Variants in ASCC3 observed in about 807,000 individuals in gnomAD.
The protein encoded by ASCC3 is activating signal cointegrator 1 complex subunit 3.
ASCC3 carries 158 observed loss-of-function variants against 256.3 expected under a neutral mutation model. The ratio of observed to expected loss-of-function variants is 0.62; its 90% CI spans 0.54 to 0.70. The LOEUF is 0.70. ASCC3 is among the 30% of genes least tolerant of loss of function. ASCC3 has a pLI of 0.00. For missense variants in ASCC3, 2,259 were observed against 2,626.0 expected, an observed-to-expected ratio of 0.86 and a Z score of 3.05; for synonymous variants, 948 against 883.4, an observed-to-expected ratio of 1.07 and a Z score of -1.30.
chr6:100,831,597 A>C (rs577569575), intron 4 of ASCC3, among the ~76,000 whole-genome samples: 59 of 152,286 alleles, frequency 3.9e-4, no homozygotes, highest in African/African-American at 1.3e-3. Flanking sequence ...CATGAAAAAA[A>C]AGTTGAACTA....
At chr6:100,776,140 A>C (rs973731859) in intron 8 of ASCC3, among the ~76,000 whole-genome samples, 14 of 152,126 alleles carry the variant, frequency 9.2e-5, no homozygotes, top group African/African-American at 3.4e-4. Flanking sequence ...TGCAGCTAAT[A>C]ATCTTTGCTT....
chr6:100,530,288 A>C lies in ASCC3; in HGVS notation c.5775+9875T>G, dbSNP rs941334033. Reference sequence around the variant, plus strand: ...GGAGGACACCAACATGAACAAGTTGAAATCATCGCAGAAGGATAAAGTTTG... The same window carrying C: ...GGAGGACACCAACATGAACAAGTTGCAATCATCGCAGAAGGATAAAGTTTG... On this transcript the variant is annotated intron_variant, in intron 37 of 41. Coordinates refer to ENST00000369162, the MANE Select transcript of ASCC3 (RefSeq NM_006828.4). 8.5e-6 allele frequency: 12 copies of C among 1,412,144 alleles called. No individual in the cohort carries two copies. The African/African-American group carries it at 1.7e-4, about 20-fold the overall frequency. 87.5% of individuals were successfully genotyped at this position (1,412,144 alleles called of 1,614,324 possible).
intron 4 of ASCC3, among the ~76,000 whole-genome samples, chr6:100,835,673 G>C (rs543421225): frequency 7.9e-5 from 12 of 152,192 alleles, no homozygotes; most frequent in African/African-American, 2.9e-4. Flanking sequence ...GATTATTAGA[G>C]TTCTGAAGTA....
intron 17 of ASCC3, 44 bp from the exon 18 acceptor site, chr6:100,652,933 G>A (rs1463501928): frequency 9.0e-6 from 14 of 1,549,964 alleles, no homozygotes; most frequent in Non-Finnish European, 1.2e-5. Context: ...GCTTTAGAGA[G>A]TAACCATTTG....
At chr6:100,878,357 A>C (rs941024467) in intron 1 of ASCC3, among the ~76,000 whole-genome samples, 1 of 152,240 alleles carries the variant, frequency 6.6e-6, no homozygotes, top group Non-Finnish European at 1.5e-5. Flanking sequence ...GGACAGGCTC[A>C]TAACTATAAA....
At chr6:100,807,418 C>T (rs566790438) in intron 4 of ASCC3, among the ~76,000 whole-genome samples, 10 of 151,556 alleles carry the variant, frequency 6.6e-5, no homozygotes, top group Non-Finnish European at 1.2e-4. Flanking sequence ...TCCATACTTC[C>T]GCAAAGAATT....
intron 17 of ASCC3, among the ~76,000 whole-genome samples, chr6:100,655,003 A>G (rs1229149331): frequency 6.6e-6 from 1 of 152,048 alleles, no homozygotes; most frequent in East Asian, 1.9e-4. Flanking sequence ...TTGACTTAAT[A>G]CTAGTTAATA....
At chr6:100,750,202 T>C in intron 10 of ASCC3, among the ~76,000 whole-genome samples, 1 of 152,032 alleles carries the variant, frequency 6.6e-6, no homozygotes, top group East Asian at 1.9e-4. Flanking sequence ...AGGATCTCTG[T>C]ACTTGCTTAT....
rs186342120 is a variant in ASCC3 at position 100,670,657 on chromosome 6, T to C, written c.2287-8121A>G. ...ACTTTTTTTCCCCCCCAAATTCTTT[T>C]AATCCGCAGTTGGCTGAATTCATGG... On this transcript the variant is annotated intron_variant, in intron 14 of 41. Coordinates refer to ENST00000369162, the MANE Select transcript of ASCC3 (RefSeq NM_006828.4). Among the ~76,000 whole-genome samples the C allele has an allele frequency of 2.5e-3, 365 of 147,336 alleles. 2 individuals carry two copies. Among genetic ancestry groups the C allele is most frequent in the African/African-American group, 8.5e-3 (342 of 40,170 alleles).
intron 8 of ASCC3, among the ~76,000 whole-genome samples, chr6:100,786,355 C>T (rs1437416492): frequency 6.6e-6 from 1 of 152,102 alleles, no homozygotes; most frequent in Non-Finnish European, 1.5e-5. Context: ...ATTGAGGATT[C>T]TAATAATGAA....
At chr6:100,606,015 T>C (rs1315009992) in intron 32 of ASCC3, among the ~76,000 whole-genome samples, 1 of 151,950 alleles carries the variant, frequency 6.6e-6, no homozygotes, top group Non-Finnish European at 1.5e-5. Flanking sequence ...TTAATAGATA[T>C]TATTTTAATT....
At chr6:100,665,414 T>C (rs186064878) in intron 14 of ASCC3, among the ~76,000 whole-genome samples, 48 of 152,114 alleles carry the variant, frequency 3.2e-4, no homozygotes, top group African/African-American at 1.2e-3. Context: ...TGGTCTGCCT[T>C]AGCTCACAAC....
intron 4 of ASCC3, among the ~76,000 whole-genome samples, chr6:100,830,005 T>G (rs1771543643): frequency 6.6e-6 from 1 of 151,922 alleles, no homozygotes; most frequent in Admixed American, 6.6e-5. Flanking sequence ...TACAACCAGA[T>G]GATTCACGTC....
chr6:100,596,381 T>A (rs940072981), intron 34 of ASCC3, among the ~76,000 whole-genome samples: 1 of 152,186 alleles, frequency 6.6e-6, no homozygotes. Context: ...TATGAAATAC[T>A]TATCTTTTTG....
intron 32 of ASCC3, 148 bp from the exon 33 acceptor site, chr6:100,605,848 T>A: frequency 2.4e-6 from 2 of 819,052 alleles, no homozygotes; most frequent in Non-Finnish European, 3.9e-6. Context: ...TGGCTACTAC[T>A]ACGTTGAGTT....
At chr6:100,559,060 A>G (rs1167435894) in intron 36 of ASCC3, among the ~76,000 whole-genome samples, 1 of 152,186 alleles carries the variant, frequency 6.6e-6, no homozygotes, top group African/African-American at 2.4e-5. Context: ...ATCATTATGT[A>G]AGGTGTGAAT....
intron 34 of ASCC3, among the ~76,000 whole-genome samples, chr6:100,595,819 T>C (rs1772263692): frequency 1.3e-5 from 2 of 152,210 alleles, no homozygotes; most frequent in Admixed American, 6.5e-5. Flanking sequence ...ATTTCAAATA[T>C]AGTAGACACC....
At chr6:100,678,203 T>C (rs971135652) in intron 14 of ASCC3, among the ~76,000 whole-genome samples, 3 of 152,092 alleles carry the variant, frequency 2.0e-5, no homozygotes, top group African/African-American at 7.2e-5. Context: ...GTTATCTGAA[T>C]TGAGATGGAT....
intron 17 of ASCC3, 72 bp downstream of exon 17, chr6:100,655,627 A>G (rs1176910150): frequency 3.3e-6 from 5 of 1,527,478 alleles, no homozygotes; most frequent in Non-Finnish European, 4.5e-6. Flanking sequence ...CAGCAAACAA[A>G]TATCTATCCT....
Sources: gnomAD v4.1 joint callset for allele counts (sites outside exome capture counted in the v4.1 genomes callset) on GRCh38, gnomAD v4.1.1 for gene constraint, MANE v1.5 for transcripts, NCBI Gene and HGNC (gene_info 2026-07-23, HGNC 2026-07-21) for gene names.